MTPN: variants seen among roughly 807,000 people sequenced by gnomAD.
The protein encoded by MTPN is myotrophin, also known as granule cell differentiation protein.
In MTPN, 2 loss-of-function variants were observed where a neutral mutation model predicts 13.5. The observed-to-expected ratio is 0.15, with a 90% confidence interval of 0.06 to 0.47. MTPN has a LOEUF of 0.47. Ranked by LOEUF, MTPN falls within the 20% of genes least tolerant of loss-of-function variation. The pLI is 0.97. For synonymous variants in MTPN, 46 were observed against 51.7 expected, an observed-to-expected ratio of 0.89 and a Z score of 0.48; for missense variants, 79 against 137.9, an observed-to-expected ratio of 0.57 and a Z score of 2.14.
At chr7:135,936,226 T>A (rs1341767617) in intron 3 of MTPN, among the ~76,000 whole-genome samples, 2 of 152,226 alleles carry the variant, frequency 1.3e-5, no homozygotes, top group East Asian at 3.8e-4. Flanking sequence ...GGCTCACGCC[T>A]GTAATGTCAA....
In MTPN at chr7:135,977,234, C is replaced by T. The variant is rs978544529; in HGVS notation, c.-134G>A. 7.8e-6 allele frequency: 7 copies of T among 894,672 alleles called. No individual in the cohort carries two copies. The highest frequency in any genetic ancestry group is 3.3e-5 in the African/African-American group (2 of 60,540). 55.4% of individuals were successfully genotyped at this position (894,672 alleles called of 1,614,324 possible). ...GGAGAAGAAGAGAAGGAGGGTTAGG[C>T]TGCCAGGCGGGCGAGGCAGTTGGCC... On this transcript the variant is annotated 5_prime_UTR_variant, in exon 1 of 4. Coordinates refer to ENST00000393085, the MANE Select transcript of MTPN (RefSeq NM_145808.4).
chr7:135,942,428 C>T (rs1799229592), intron 3 of MTPN, among the ~76,000 whole-genome samples: 2 of 152,102 alleles, frequency 1.3e-5, no homozygotes, highest in African/African-American at 2.4e-5. Flanking sequence ...GAGTACTTGG[C>T]TATACTGAGA....
chr7:135,947,617 A>T (rs1024482691), intron 3 of MTPN, among the ~76,000 whole-genome samples: 22 of 152,220 alleles, frequency 1.4e-4, no homozygotes, highest in African/African-American at 5.3e-4. Context: ...AGATATGTAC[A>T]TGTTCCATTT....
At chr7:135,953,895 A>G (rs1032047699) in intron 1 of MTPN, among the ~76,000 whole-genome samples, 2 of 152,232 alleles carry the variant, frequency 1.3e-5, no homozygotes, top group African/African-American at 2.4e-5. Context: ...TTAAGTTAAT[A>G]TGTGATACAT....
intron 2 of MTPN, 37 bp downstream of exon 2, chr7:135,951,480 G>T: frequency 7.0e-7 from 1 of 1,427,842 alleles, no homozygotes; most frequent in South Asian, 1.2e-5. Flanking sequence ...CATATTAACA[G>T]AAAATTTTTT....
intron 3 of MTPN, among the ~76,000 whole-genome samples, chr7:135,946,591 A>G (rs1482485604): frequency 6.6e-6 from 1 of 152,236 alleles, no homozygotes; most frequent in Non-Finnish European, 1.5e-5. Flanking sequence ...TGTAGTTTGC[A>G]AAGGCATGCC....
At chr7:135,976,932 C>CCCCCCCCCCT in intron 1 of MTPN, 97 bp downstream of exon 1, 1 of 563,760 alleles carries the variant, frequency 1.8e-6, no homozygotes, top group South Asian at 1.5e-5. Flanking sequence ...TCTCCTCCCG[C>CCCCCCCCCCT]CCACCCCCAT....
At chr7:135,947,857 A>C (rs1456275741) in intron 3 of MTPN, among the ~76,000 whole-genome samples, 1 of 152,156 alleles carries the variant, frequency 6.6e-6, no homozygotes, top group Non-Finnish European at 1.5e-5. Context: ...CATATCATAT[A>C]AAGTTTGATT....
Position 135,927,111 on chromosome 7 carries a change from A to G in MTPN, c.*2815T>C. Reference sequence around the variant, plus strand: ...TTGAGTATACAATATTGCATGGAAGAAAACAGCAGCTCAACTGAAATATTA... The same window carrying G: ...TTGAGTATACAATATTGCATGGAAGGAAACAGCAGCTCAACTGAAATATTA... On this transcript the variant is annotated 3_prime_UTR_variant, in exon 4 of 4. Coordinates refer to ENST00000393085, the MANE Select transcript of MTPN (RefSeq NM_145808.4). The G allele has an allele frequency of 2.0e-6, 1 of 498,948 alleles. No individual in the cohort carries two copies. The highest frequency in any genetic ancestry group is 3.4e-6 in the Non-Finnish European group (1 of 294,146). 30.9% of individuals were successfully genotyped at this position (498,948 alleles called of 1,614,324 possible).
intron 3 of MTPN, among the ~76,000 whole-genome samples, chr7:135,946,771 A>G (rs1347940060): frequency 6.6e-6 from 1 of 152,190 alleles, no homozygotes; most frequent in Admixed American, 6.5e-5. Flanking sequence ...TCTAAATGAC[A>G]CATGATTATA....
In MTPN at chr7:135,927,948, T is replaced by C. The variant is rs2116330556; in HGVS notation, c.*1978A>G. 3 of 296,166 alleles carry C rather than the reference T, an allele frequency of 1.0e-5. No homozygotes were observed. Among genetic ancestry groups the C allele is most frequent in the South Asian group, 1.0e-4 (3 of 29,880 alleles). 18.3% of individuals were successfully genotyped at this position (296,166 alleles called of 1,614,324 possible). A position where few individuals can be genotyped will look rare whatever the true frequency, so the allele number is the denominator to read the frequency against. On this transcript the variant is annotated 3_prime_UTR_variant, in exon 4 of 4. Coordinates refer to ENST00000393085, the MANE Select transcript of MTPN (RefSeq NM_145808.4). ...TTTGAAAGTAAAGGTGAAAATTATA[T>C]AAAGGGAAAAATTCAAGCCTTTAAA...
chr7:135,950,589 T>C lies in MTPN; in HGVS notation c.270+10A>G, dbSNP rs901204417. ...ATAGAAAAAGCAATACTATTAGCAATTGACCTCACCTTTGACAGAAGCAAT... is the reference window on the plus strand; with the variant it reads ...ATAGAAAAAGCAATACTATTAGCAACTGACCTCACCTTTGACAGAAGCAAT... On this transcript the variant is annotated intron_variant, in intron 3 of 3. Transcript: ENST00000393085. 3.1e-6 allele frequency: 5 copies of C among 1,597,318 alleles called. No homozygotes were observed. Among genetic ancestry groups the C allele is most frequent in the South Asian group, 2.2e-5 (2 of 90,210 alleles).
chr7:135,968,716 C>T (rs982187929), intron 1 of MTPN, among the ~76,000 whole-genome samples: 4 of 148,240 alleles, frequency 2.7e-5, no homozygotes, highest in African/African-American at 1.0e-4. Context: ...TCACACGATC[C>T]CAGCATTCCA....
intron 1 of MTPN, among the ~76,000 whole-genome samples, chr7:135,963,229 T>TA (rs1799551695): frequency 6.6e-6 from 1 of 152,040 alleles, no homozygotes; most frequent in Non-Finnish European, 1.5e-5. Flanking sequence ...GTTTAATATT[T>TA]AAAAAATGAC....
intron 2 of MTPN, among the ~76,000 whole-genome samples, chr7:135,950,973 G>A (rs1799356757): frequency 6.6e-6 from 1 of 152,148 alleles, no homozygotes; most frequent in Non-Finnish European, 1.5e-5. Flanking sequence ...GCCTCTCTAA[G>A]CCTTGATTCC....
Position 135,930,031 on chromosome 7 carries a change from G to C in MTPN, c.271-19C>G, listed in dbSNP as rs759321695. ...CAGCACCCTGGAAAAGAGAGGAAAG[G>C]GCTCATTAAATGAGCCCACAACTGG... On this transcript the variant is annotated intron_variant, in intron 3 of 3. Coordinates refer to ENST00000393085, the MANE Select transcript of MTPN (RefSeq NM_145808.4). The C allele has an allele frequency of 5.0e-6, 8 of 1,605,332 alleles. No individual in the cohort carries two copies. Among genetic ancestry groups the C allele is most frequent in the Non-Finnish European group, 6.0e-6 (7 of 1,176,404 alleles).
In MTPN at chr7:135,977,144, G is replaced by A. The variant is rs1401930600; in HGVS notation, c.-44C>T. ...CGGTTGGCCGGGCAGAAGATGAGGA[G>A]GCGGTGGCAGCAGCAAGCGGATGCC... On this transcript the variant is annotated 5_prime_UTR_variant, in exon 1 of 4. Transcript: ENST00000393085. The A allele has an allele frequency of 6.2e-7, 1 of 1,603,724 alleles. No individual in the cohort carries two copies. Among genetic ancestry groups the A allele is most frequent in the East Asian group, 2.2e-5 (1 of 44,828 alleles).
chr7:135,931,969 T>C (rs1042272120), intron 3 of MTPN, among the ~76,000 whole-genome samples: 1 of 152,188 alleles, frequency 6.6e-6, no homozygotes, highest in Admixed American at 6.5e-5. Context: ...TTCTGCTCTT[T>C]TACTTATTTT....
chr7:135,935,139 G>GTCTT (rs1033177197), intron 3 of MTPN, among the ~76,000 whole-genome samples: 6 of 152,044 alleles, frequency 3.9e-5, no homozygotes, highest in African/African-American at 1.4e-4. Context: ...GTTTACTTAA[G>GTCTT]TCTTCAGACC....
Sources: allele counts gnomAD v4.1 joint callset (sites outside exome capture counted in the v4.1 genomes callset), GRCh38; gene constraint gnomAD v4.1.1; transcripts MANE v1.5; gene names NCBI Gene and HGNC (gene_info 2026-07-23, HGNC 2026-07-21).